SLC9A9: variants seen among roughly 807,000 people sequenced by gnomAD.
The protein encoded by SLC9A9 is solute carrier family 9 member A9, also known as sodium/hydrogen exchanger 9.
A neutral mutation model predicts 77.8 loss-of-function variants in SLC9A9; 62 were observed. That is an observed-to-expected ratio of 0.80 (90% CI 0.65 to 0.98). SLC9A9 has a LOEUF of 0.98. Ranked by LOEUF, SLC9A9 falls within the 50% of genes least tolerant of loss-of-function variation. The pLI is 0.00. For missense variants in SLC9A9, 775 were observed against 774.9 expected (o/e 1.00, Z 0.00); for synonymous variants, 320 against 283.5 (o/e 1.13, Z -1.29).
At chr3:143,829,189 C>A (rs1040306152) in intron 2 of SLC9A9, among the ~76,000 whole-genome samples, 20 of 152,126 alleles carry the variant, frequency 1.3e-4, no homozygotes, top group African/African-American at 4.6e-4. Flanking sequence ...ATATGCAGAT[C>A]CAGGGCATTT....
chr3:143,592,227 A>G (rs1214539239), intron 6 of SLC9A9, among the ~76,000 whole-genome samples: 3 of 152,242 alleles, frequency 2.0e-5, no homozygotes, highest in Non-Finnish European at 4.4e-5. Flanking sequence ...AAGGCACATG[A>G]AACAAGAGGA....
At chr3:143,795,938 A>T (rs1560083459) in intron 3 of SLC9A9, among the ~76,000 whole-genome samples, 1 of 148,754 alleles carries the variant, frequency 6.7e-6, no homozygotes. Flanking sequence ...TGACAGCAAG[A>T]GGGAGCCTGG....
intron 6 of SLC9A9, among the ~76,000 whole-genome samples, chr3:143,604,174 A>G (rs1038064007): frequency 6.6e-6 from 1 of 152,180 alleles, no homozygotes; most frequent in Admixed American, 6.5e-5. Flanking sequence ...TTTTTAAGAA[A>G]GTGATACAGT....
chr3:143,753,920 A>T (rs1164360439), intron 4 of SLC9A9, among the ~76,000 whole-genome samples: 2 of 152,244 alleles, frequency 1.3e-5, no homozygotes, highest in Non-Finnish European at 2.9e-5. Context: ...CATTTAACTC[A>T]CCAGAGACTG....
intron 4 of SLC9A9, among the ~76,000 whole-genome samples, chr3:143,743,809 G>C (rs1389762714): frequency 1.3e-5 from 2 of 152,198 alleles, no homozygotes; most frequent in Non-Finnish European, 2.9e-5. Flanking sequence ...TGATTGCTAT[G>C]TGCTAGTTGT....
intron 2 of SLC9A9, among the ~76,000 whole-genome samples, chr3:143,828,084 G>A (rs2009344941): frequency 6.6e-6 from 1 of 152,154 alleles, no homozygotes; most frequent in South Asian, 2.1e-4. Flanking sequence ...AGAATTAAGT[G>A]CTATAGTCCA....
intron 13 of SLC9A9, among the ~76,000 whole-genome samples, chr3:143,370,565 G>GCACACACACACACACA (rs1400523794): frequency 1.4e-3 from 55 of 38,400 alleles, no homozygotes; most frequent in African/African-American, 6.3e-3. Context: ...ATGCATGTGC[G>GCACACACACACACACA]CGCACACACA....
intron 9 of SLC9A9, chr3:143,517,193 G>C: frequency 7.1e-7 from 1 of 1,409,022 alleles, no homozygotes; most frequent in Non-Finnish European, 9.9e-7. Context: ...CTGGTATTTT[G>C]ACATACTTGC....
At chr3:143,828,257 A>G (rs952471464) in intron 2 of SLC9A9, among the ~76,000 whole-genome samples, 1 of 152,182 alleles carries the variant, frequency 6.6e-6, no homozygotes, top group Non-Finnish European at 1.5e-5. Flanking sequence ...AACTCCAAGA[A>G]TGATAATTTC....
chr3:143,687,263 TGGGAA>T (rs1933301236), intron 5 of SLC9A9, among the ~76,000 whole-genome samples: 4 of 152,162 alleles, frequency 2.6e-5, no homozygotes, highest in African/African-American at 9.7e-5. Flanking sequence ...TAAGGCTAAA[TGGGAA>T]ATAATTAATT....
chr3:143,414,088 T>C (rs139078944), intron 12 of SLC9A9, among the ~76,000 whole-genome samples: 1,784 of 152,370 alleles, frequency 0.012, 22 homozygotes, highest in South Asian at 0.046. Context: ...TCTGATTTTT[T>C]CTTGTCAGCT....
intron 2 of SLC9A9, among the ~76,000 whole-genome samples, chr3:143,825,891 A>C (rs983669869): frequency 1.8e-5 from 2 of 110,914 alleles, no homozygotes; most frequent in Admixed American, 2.3e-4. Flanking sequence ...GAGTATTATA[A>C]ACACCTAACA....
chr3:143,726,596 A>G (rs1934662186), intron 4 of SLC9A9, among the ~76,000 whole-genome samples: 1 of 152,216 alleles, frequency 6.6e-6, no homozygotes, highest in South Asian at 2.1e-4. Context: ...ACATCCCTTC[A>G]AGGGATAAGC....
intron 6 of SLC9A9, among the ~76,000 whole-genome samples, chr3:143,586,509 A>T (rs1173544432): frequency 6.6e-6 from 1 of 152,236 alleles, no homozygotes; most frequent in Non-Finnish European, 1.5e-5. Context: ...AAGCAAGTAG[A>T]TGAAAAACAA....
intron 5 of SLC9A9, among the ~76,000 whole-genome samples, chr3:143,684,909 T>C (rs1290351710): frequency 6.6e-6 from 1 of 152,106 alleles, no homozygotes; most frequent in African/African-American, 2.4e-5. Context: ...AAATCGCCTA[T>C]ATTTTACCAA....
At chr3:143,685,260 T>C (rs1410216100) in intron 5 of SLC9A9, among the ~76,000 whole-genome samples, 6 of 152,138 alleles carry the variant, frequency 3.9e-5, no homozygotes, top group African/African-American at 1.4e-4. Context: ...TTTTTTCAAA[T>C]GATGTCTTGG....
chr3:143,496,779 G>A (rs79781730), intron 9 of SLC9A9, among the ~76,000 whole-genome samples: 7,819 of 152,202 alleles, frequency 0.051, 687 homozygotes, highest in African/African-American at 0.18. Context: ...AGTGAGATTT[G>A]GCTGTTGTCT....
chr3:143,320,510 C>G lies in SLC9A9; in HGVS notation c.1604+42974G>C, dbSNP rs184343696. On this transcript the variant is annotated intron_variant, in intron 14 of 15. Transcript: ENST00000316549. ...CAGCTTCTGGTGAGGCCTCAGGGAA[C>G]TTTTACTCATGGCAGAAGGTGAAGT... Among the ~76,000 whole-genome samples the G allele has an allele frequency of 2.4e-3, 361 of 152,242 alleles. 5 individuals are homozygous for G. Among genetic ancestry groups the G allele is most frequent in the East Asian group, 0.011 (59 of 5,182 alleles).
chr3:143,402,164 G>A (rs1307972958), intron 12 of SLC9A9, among the ~76,000 whole-genome samples: 1 of 152,012 alleles, frequency 6.6e-6, no homozygotes. Context: ...AAGTTACACT[G>A]GTAATAAGAA....
Sources: allele counts gnomAD v4.1 joint callset (sites outside exome capture counted in the v4.1 genomes callset), GRCh38; gene constraint gnomAD v4.1.1; transcripts MANE v1.5; gene names NCBI Gene and HGNC (gene_info 2026-07-23, HGNC 2026-07-21).